The following S100A8 variants were observed in gnomAD, a reference collection of about 807,000 sequenced individuals.
S100A8 encodes S100 calcium binding protein A8, also known as protein S100-A8.
Under a neutral mutation model 4.2 loss-of-function variants are expected in S100A8, and 1 was observed. The ratio of observed to expected loss-of-function variants is 0.24; its 90% CI spans 0.08 to 1.12. The LOEUF (loss-of-function observed/expected upper bound fraction) is 1.12, where lower values mean the gene tolerates loss of function less well. Ranked by LOEUF, S100A8 falls within the 50% of genes most tolerant of loss-of-function variation. S100A8 has a pLI of 0.53. For missense variants in S100A8, 96 were observed against 111.8 expected (o/e 0.86, Z 0.64); for synonymous variants, 41 against 44.7 (o/e 0.92, Z 0.33).
the S100A8 span, among the ~76,000 whole-genome samples, chr1:153,405,624 G>A: frequency 2.0e-5 from 3 of 152,282 alleles, no homozygotes; most frequent in African/African-American, 7.2e-5. Context: ...TCCTCCCGGC[G>A]AGCTAGCCAT....
chr1:153,402,515 T>G, the S100A8 span, among the ~76,000 whole-genome samples: 1 of 151,276 alleles, frequency 6.6e-6, no homozygotes, highest in Non-Finnish European at 1.5e-5. Context: ...AGGGCTGGAG[T>G]GGTGTAAATG....
At chr1:153,414,653 A>G in the S100A8 span, among the ~76,000 whole-genome samples, 1 of 152,240 alleles carries the variant, frequency 6.6e-6, no homozygotes, top group African/African-American at 2.4e-5. Context: ...ACTCTCATTC[A>G]TTGATGGCAG....
the S100A8 span, among the ~76,000 whole-genome samples, chr1:153,396,110 A>G: frequency 3.2e-4 from 49 of 152,326 alleles, no homozygotes; most frequent in Non-Finnish European, 6.0e-4. Context: ...TCTCCCTATC[A>G]GATAGGGCCC....
At chr1:153,396,052 A>G (rs1662206451), upstream of S100A8, among the ~76,000 whole-genome samples, 1 of 152,196 alleles carries the variant, frequency 6.6e-6, no homozygotes, top group African/African-American at 2.4e-5. Context: ...TATCTCCCCA[A>G]GAGAGGAGAC....
chr1:153,419,595 G>A, the S100A8 span: 1 of 414,020 alleles, frequency 2.4e-6, no homozygotes, highest in Admixed American at 4.0e-5. Context: ...CACCTTGGCA[G>A]GTTCCAGGTG....
At chr1:153,407,927 T>C in the S100A8 span, among the ~76,000 whole-genome samples, 4 of 152,246 alleles carry the variant, frequency 2.6e-5, no homozygotes, top group Non-Finnish European at 5.9e-5. Context: ...GAAGGAAAAC[T>C]AACAAACAGA....
the S100A8 span, among the ~76,000 whole-genome samples, chr1:153,417,067 T>C: frequency 3.3e-5 from 5 of 152,248 alleles, no homozygotes; most frequent in East Asian, 7.7e-4. Context: ...CAGAAAGCTT[T>C]GAGTGGCTTC....
chr1:153,390,494 G>A lies in S100A8; in HGVS notation c.42C>T (p.Asp14=), dbSNP rs373891072. The change falls in exon 2 of 3, where the codon GAC becomes GAT. Residue 14 remains aspartate (D), a synonymous_variant. Coordinates refer to ENST00000368733, the MANE Select transcript of S100A8 (RefSeq NM_002964.5). ...ELEKALNSII[D]VYHKYSLIKG... The stretch of plus-strand genomic sequence containing the variant: ...TTATCAGGGAGTACTTGTGGTAGAC[G>A]TCGATGATAGAGTTCAAGGCTTTCT... The A allele has an allele frequency of 7.7e-5, 124 of 1,614,200 alleles. No individual in the cohort carries two copies. In the South Asian group the frequency reaches 8.1e-4, roughly 11 times the overall value.
chr1:153,416,414 A>G, the S100A8 span: 3 of 289,344 alleles, frequency 1.0e-5, no homozygotes, highest in Non-Finnish European at 1.4e-5. Flanking sequence ...CACACCTGAT[A>G]TGGGACAAGC....
chr1:153,390,864 A>G (rs1298391190), intron 1 of S100A8, 177 bp downstream of exon 1: 3 of 446,916 alleles, frequency 6.7e-6, no homozygotes, highest in Non-Finnish European at 6.8e-6. Flanking sequence ...TACCCACTGG[A>G]AGGTGCTGGA....
the S100A8 span, among the ~76,000 whole-genome samples, chr1:153,412,573 C>T: frequency 2.0e-4 from 31 of 152,274 alleles, no homozygotes; most frequent in Middle Eastern, 3.4e-3. Context: ...GACAGTGTGG[C>T]GATTCCTCAA....
the S100A8 span, among the ~76,000 whole-genome samples, chr1:153,412,386 C>A: frequency 1.3e-5 from 2 of 152,170 alleles, no homozygotes; most frequent in South Asian, 4.2e-4. Flanking sequence ...TGAAAAAATG[C>A]TCATCACTGG....
At chr1:153,393,823 A>G (rs1027701242), upstream of S100A8, among the ~76,000 whole-genome samples, 1 of 152,198 alleles carries the variant, frequency 6.6e-6, no homozygotes, top group Non-Finnish European at 1.5e-5. Flanking sequence ...TTACAAGTAT[A>G]ATTATCCCTA....
At chr1:153,400,027 G>A in the S100A8 span, among the ~76,000 whole-genome samples, 209 of 152,250 alleles carry the variant, frequency 1.4e-3, 1 homozygote, top group African/African-American at 4.6e-3. Context: ...CCAGCTCATA[G>A]TCTGTCAGTG....
At chr1:153,400,249 G>A in the S100A8 span, among the ~76,000 whole-genome samples, 61 of 152,130 alleles carry the variant, frequency 4.0e-4, no homozygotes, top group Non-Finnish European at 8.8e-5. Context: ...AACCAGATTT[G>A]TTTACTAGTA....
At chr1:153,417,000 C>T in the S100A8 span, among the ~76,000 whole-genome samples, 3 of 152,132 alleles carry the variant, frequency 2.0e-5, no homozygotes, top group South Asian at 4.1e-4. Flanking sequence ...CCTGTAAATT[C>T]TCAGTCAATC....
At chr1:153,395,210 T>C (rs1286358694), upstream of S100A8, among the ~76,000 whole-genome samples, 1 of 151,988 alleles carries the variant, frequency 6.6e-6, no homozygotes, top group Non-Finnish European at 1.5e-5. Flanking sequence ...ACCCAACCCT[T>C]CTCTCCCTCA....
the S100A8 span, among the ~76,000 whole-genome samples, chr1:153,415,996 C>T: frequency 9.2e-3 from 1,405 of 152,318 alleles, 25 homozygotes; most frequent in African/African-American, 0.031. Context: ...ATCTCAACTT[C>T]TCCTTTCCTA....
chr1:153,419,515 C>T, the S100A8 span: 3 of 615,646 alleles, frequency 4.9e-6, no homozygotes, highest in South Asian at 2.1e-5. Context: ...CCCCTATGGC[C>T]TCCAGCAGAG....
Sources: allele counts gnomAD v4.1 joint callset (sites outside exome capture counted in the v4.1 genomes callset), GRCh38; gene constraint gnomAD v4.1.1; transcripts MANE v1.5; gene names NCBI Gene and HGNC (gene_info 2026-07-23, HGNC 2026-07-21).